RBM10: variants seen among roughly 807,000 people sequenced by gnomAD.
The protein encoded by RBM10 is RNA-binding protein 10.
RBM10 carries 1 observed loss-of-function variant against 84.9 expected under a neutral mutation model. The observed-to-expected ratio is 0.01, with a 90% CI of 0.00 to 0.06. The LOEUF is 0.06. Ranked by LOEUF, RBM10 falls within the 10% of genes least tolerant of loss-of-function variation. The pLI, the probability that RBM10 is intolerant of heterozygous loss-of-function variation, is 1.00. For missense variants in RBM10, 438 were observed against 839.0 expected (o/e 0.52, Z 5.90); for synonymous variants, 326 against 344.5 (o/e 0.95, Z 0.60).
intron 2 of RBM10, among the ~76,000 whole-genome samples, chrX:47,154,651 A>G (rs1932949948): frequency 9.2e-6 from 1 of 108,404 alleles, no homozygotes; most frequent in South Asian, 4.2e-4. Flanking sequence ...GGGTTTCACC[A>G]TGTTTGCCAG....
intron 2 of RBM10, among the ~76,000 whole-genome samples, chrX:47,167,518 C>T (rs1309011888): frequency 1.8e-5 from 2 of 110,628 alleles, no homozygotes; most frequent in Admixed American, 1.9e-4. Context: ...CGTATGCCAC[C>T]ACACCCAGCT....
intron 2 of RBM10, among the ~76,000 whole-genome samples, chrX:47,167,397 A>G: frequency 1.1e-5 from 1 of 93,628 alleles, no homozygotes; most frequent in African/African-American, 3.9e-5. Flanking sequence ...TTTTTTTTTT[A>G]AGACAGAGTC....
At chrX:47,173,889 A>ATCTCTCTCTCTCTCTC (rs537480494) in intron 5 of RBM10, among the ~76,000 whole-genome samples, 12 of 38,596 alleles carry the variant, frequency 3.1e-4, no homozygotes, top group South Asian at 3.4e-3. Context: ...CCACACCTCC[A>ATCTCTCTCTCTCTCTC]TCTCTCTCTC....
At chrX:47,184,036 C>A (rs1556781011) in intron 17 of RBM10, among the ~76,000 whole-genome samples, 2 of 111,808 alleles carry the variant, frequency 1.8e-5, no homozygotes. Context: ...TATACAATTT[C>A]TTTAAAAAGC....
chrX:47,172,578 G>T (rs782293378), intron 4 of RBM10, among the ~76,000 whole-genome samples: 10 of 112,210 alleles, frequency 8.9e-5, no homozygotes, highest in Non-Finnish European at 5.6e-5. Flanking sequence ...TTTGCTTTTT[G>T]TCTCCACCCT....
chrX:47,160,468 A>G (rs1556766453), intron 2 of RBM10, among the ~76,000 whole-genome samples: 1 of 112,161 alleles, frequency 8.9e-6, no homozygotes, highest in East Asian at 2.8e-4. Flanking sequence ...TCAAAAGATA[A>G]CATACAAGTG....
chrX:47,179,525 C>T (rs1935378125), intron 9 of RBM10, 30 bp downstream of exon 9: 1 of 1,183,528 alleles, frequency 8.4e-7, no homozygotes, highest in African/African-American at 1.8e-5. Context: ...TTCCTCTGTG[C>T]CCTAGGGTGT....
At chrX:47,171,592 G>A (rs782031742) in intron 4 of RBM10, among the ~76,000 whole-genome samples, 9 of 112,826 alleles carry the variant, frequency 8.0e-5, no homozygotes, top group Non-Finnish European at 1.5e-4. Context: ...GACGCTCACC[G>A]GGCCAGTGCT....
intron 12 of RBM10, 138 bp downstream of exon 12, chrX:47,180,644 A>G (rs1451938506): frequency 9.4e-7 from 1 of 1,058,863 alleles, no homozygotes; most frequent in Non-Finnish European, 1.3e-6. Context: ...TGGCTATTCT[A>G]CCTTGCTCCT....
At chrX:47,173,467 C>G (rs1227698525) in intron 5 of RBM10, among the ~76,000 whole-genome samples, 3 of 112,528 alleles carry the variant, frequency 2.7e-5, no homozygotes, top group African/African-American at 9.7e-5. Flanking sequence ...GCCAGGCTCC[C>G]AGGCACCTCC....
intron 4 of RBM10, among the ~76,000 whole-genome samples, chrX:47,172,774 G>A (rs1252866627): frequency 8.9e-6 from 1 of 112,266 alleles, no homozygotes; most frequent in Non-Finnish European, 1.9e-5. Flanking sequence ...TCCTTACTTC[G>A]TGGCTGCCAG....
chrX:47,160,164 G>C (rs976563161), intron 2 of RBM10, among the ~76,000 whole-genome samples: 1 of 111,857 alleles, frequency 8.9e-6, no homozygotes, highest in African/African-American at 3.2e-5. Flanking sequence ...AATCCTAGAA[G>C]AAAACCTAGG....
In RBM10 at chrX:47,186,507, G is replaced by T. The variant is rs1935929578; in HGVS notation, c.2701G>T (p.Ala901Ser). Residue 901 changes from alanine (A) to serine (S), a missense_variant, in exon 24 of 24, where the codon GCA (alanine) becomes TCA (serine). Physicochemically the swap from Ala to Ser is moderately conservative, Grantham distance 99. Around this residue, in one of 8 missense-constraint regions of RBM10, gnomAD observed 92 missense variants for 199.9 expected, o/e 0.46. Coordinates refer to ENST00000377604, the MANE Select transcript of RBM10 (RefSeq NM_005676.5). Reference protein sequence around the residue: ...QTRVRGSGLGARGSSYGVTST... With the variant: ...QTRVRGSGLGSRGSSYGVTST... ...ACGGGTGCGGGGCTCCGGCCTGGGT[G>T]CACGGGGCAGCTCCTACGGGGTCAC... The T allele has an allele frequency of 2.6e-5, 31 of 1,209,962 alleles. No homozygotes were observed. The highest frequency in any genetic ancestry group is 3.5e-5 in the Non-Finnish European group (31 of 894,421).
intron 2 of RBM10, among the ~76,000 whole-genome samples, chrX:47,164,118 A>G (rs1162771659): frequency 9.2e-6 from 1 of 108,296 alleles, no homozygotes; most frequent in East Asian, 2.9e-4. Flanking sequence ...ATCTGCCCAC[A>G]TTGGCCTCCC....
intron 2 of RBM10, chrX:47,156,735 T>A: frequency 6.1e-6 from 1 of 165,175 alleles, no homozygotes; most frequent in South Asian, 9.8e-5. Context: ...GTGCGGCAGC[T>A]TGGAGGTACT....
At chrX:47,173,279 C>T (rs1256659600) in intron 5 of RBM10, 82 bp downstream of exon 5, 35 of 1,175,573 alleles carry the variant, frequency 3.0e-5, no homozygotes, top group Non-Finnish European at 3.9e-5. Flanking sequence ...CCTTCTCCCC[C>T]ACTCCCTCCA....
intron 2 of RBM10, among the ~76,000 whole-genome samples, chrX:47,154,608 C>T (rs1423684563): frequency 1.8e-5 from 2 of 109,235 alleles, no homozygotes; most frequent in African/African-American, 6.7e-5. Flanking sequence ...CGTGCCACCA[C>T]ACCCGGCTAA....
chrX:47,164,533 A>G (rs1182132802), intron 2 of RBM10, among the ~76,000 whole-genome samples: 1 of 110,545 alleles, frequency 9.0e-6, no homozygotes, highest in Non-Finnish European at 1.9e-5. Flanking sequence ...AAAAAAAAAA[A>G]AAAAATTGGC....
chrX:47,167,449 C>T (rs1465669576), intron 2 of RBM10, among the ~76,000 whole-genome samples: 4 of 107,288 alleles, frequency 3.7e-5, no homozygotes, highest in South Asian at 4.2e-4. Context: ...CCGCAGCCTC[C>T]GCCTCCCGGG....
Sources: gnomAD v4.1 joint callset for allele counts (sites outside exome capture counted in the v4.1 genomes callset) on GRCh38, gnomAD v4.1.1 for gene constraint, gnomAD v4.1.1 regional missense constraint, MANE v1.5 for transcripts, NCBI Gene and HGNC (gene_info 2026-07-23, HGNC 2026-07-21) for gene names.